The following ANKS1B variants were observed in gnomAD, a reference collection of about 807,000 sequenced individuals.
ANKS1B encodes ankyrin repeat and sterile alpha motif domain-containing protein 1B.
ANKS1B carries 36 observed loss-of-function variants against 148.3 expected under a neutral mutation model. That is an observed-to-expected ratio of 0.24 (90% confidence interval 0.19 to 0.32). The LOEUF is 0.32. Among genes scored for constraint, ANKS1B ranks in the 10% least tolerant of loss-of-function variants. The pLI is 1.00. For synonymous variants in ANKS1B, 542 were observed against 560.8 expected (o/e 0.97, Z 0.47); for missense variants, 1,157 against 1,542.6 (o/e 0.75, Z 4.19).
chr12:99,922,418 T>G (rs1399375672), intron 1 of ANKS1B, among the ~76,000 whole-genome samples: 1 of 151,818 alleles, frequency 6.6e-6, no homozygotes, highest in Non-Finnish European at 1.5e-5. Context: ...CTAACAAGAG[T>G]AGGAAAAAAA....
intron 14 of ANKS1B, among the ~76,000 whole-genome samples, chr12:99,192,131 C>CA (rs35767286): frequency 0.83 from 47,947 of 58,040 alleles, 20,382 homozygotes; most frequent in South Asian, 0.92. Flanking sequence ...GACTCCATCT[C>CA]AAAAAAAAAA....
At chr12:98,915,682 A>G (rs563427077) in intron 17 of ANKS1B, among the ~76,000 whole-genome samples, 1 of 152,298 alleles carries the variant, frequency 6.6e-6, no homozygotes, top group South Asian at 2.1e-4. Flanking sequence ...GTTTGGACCA[A>G]CCTGGGTGTG....
chr12:99,194,601 T>G (rs959797910), intron 14 of ANKS1B, among the ~76,000 whole-genome samples: 1 of 152,120 alleles, frequency 6.6e-6, no homozygotes, highest in Non-Finnish European at 1.5e-5. Context: ...CCATTTGTGT[T>G]TTGATATTAT....
intron 15 of ANKS1B, among the ~76,000 whole-genome samples, chr12:99,112,980 A>C (rs892502191): frequency 2.0e-5 from 3 of 152,218 alleles, no homozygotes; most frequent in Non-Finnish European, 4.4e-5. Flanking sequence ...TAATGCAGAT[A>C]ATTTTCTGCC....
chr12:99,387,002 A>G (rs964532621), intron 12 of ANKS1B, among the ~76,000 whole-genome samples: 3 of 152,248 alleles, frequency 2.0e-5, no homozygotes, highest in African/African-American at 7.2e-5. Context: ...AAGGTCAGTC[A>G]TCATGCTGGA....
chr12:99,204,058 C>T (rs1023981255), intron 14 of ANKS1B, among the ~76,000 whole-genome samples: 1 of 105,308 alleles, frequency 9.5e-6, no homozygotes, highest in Admixed American at 1.0e-4. Flanking sequence ...TGGTTGAATA[C>T]ATAAATCTAT....
chr12:99,040,260 C>G (rs1335681181), intron 17 of ANKS1B, among the ~76,000 whole-genome samples: 1 of 151,808 alleles, frequency 6.6e-6, no homozygotes, highest in Non-Finnish European at 1.5e-5. Flanking sequence ...CTTTCTCTCT[C>G]TCTATGTGCG....
intron 1 of ANKS1B, among the ~76,000 whole-genome samples, chr12:99,872,242 G>T (rs1565900476): frequency 6.6e-6 from 1 of 152,032 alleles, no homozygotes; most frequent in Non-Finnish European, 1.5e-5. Context: ...ACAGAAATGT[G>T]TATGTATGTG....
chr12:99,387,346 G>A lies in ANKS1B; in HGVS notation c.1756+12285C>T, dbSNP rs143680775. 3.9e-3 allele frequency among the ~76,000 whole-genome samples: 600 copies of A among 152,302 alleles called. 1 individual carries two copies. Among genetic ancestry groups the A allele is most frequent in the African/African-American group, 0.014 (567 of 41,576 alleles). On this transcript the variant is annotated intron_variant, in intron 12 of 26. Transcript: ENST00000683438. ...TTATTAAAGAAGCCTGGCCGGGCGC[G>A]GTGGCTCACGCCTGTAATCCCAGCA...
chr12:99,780,693 T>G (rs931242987), intron 5 of ANKS1B, among the ~76,000 whole-genome samples: 1 of 152,208 alleles, frequency 6.6e-6, no homozygotes, highest in African/African-American at 2.4e-5. Context: ...TCATGTGATT[T>G]ATATTCTCTG....
chr12:99,457,924 T>C (rs188935924), intron 10 of ANKS1B, among the ~76,000 whole-genome samples: 38 of 152,070 alleles, frequency 2.5e-4, no homozygotes, highest in African/African-American at 8.2e-4. Flanking sequence ...AACGGATATT[T>C]ACAGAACAGA....
At chr12:99,028,121 G>A (rs1366078297) in intron 17 of ANKS1B, among the ~76,000 whole-genome samples, 3 of 152,138 alleles carry the variant, frequency 2.0e-5, no homozygotes, top group East Asian at 1.9e-4. Flanking sequence ...TCTTATATGA[G>A]TGAATTAAAT....
intron 12 of ANKS1B, among the ~76,000 whole-genome samples, chr12:99,336,422 A>AT (rs1371826812): frequency 4.0e-5 from 6 of 151,804 alleles, no homozygotes; most frequent in Non-Finnish European, 8.8e-5. Context: ...CTTGTGGGGT[A>AT]TTTTTCAACA....
At chr12:99,832,685 C>G (rs1232345673) in intron 1 of ANKS1B, among the ~76,000 whole-genome samples, 1 of 151,152 alleles carries the variant, frequency 6.6e-6, no homozygotes, top group Non-Finnish European at 1.5e-5. Context: ...GATCAGGCCA[C>G]TGTACTCCAG....
At chr12:99,080,953 A>G (rs2049511614) in intron 16 of ANKS1B, among the ~76,000 whole-genome samples, 1 of 152,212 alleles carries the variant, frequency 6.6e-6, no homozygotes, top group South Asian at 2.1e-4. Flanking sequence ...GAGCTGAGAA[A>G]AGACAGAGTT....
At chr12:99,048,255 C>A (rs1161627774) in intron 17 of ANKS1B, among the ~76,000 whole-genome samples, 2 of 152,176 alleles carry the variant, frequency 1.3e-5, no homozygotes, top group African/African-American at 2.4e-5. Flanking sequence ...TTTAAGGTAG[C>A]AATTTCTGGG....
rs139118414 is a variant in ANKS1B, at chr12:99,380,542, T to C, written c.1756+19089A>G. Among the ~76,000 whole-genome samples, 10 of 152,308 alleles carry C rather than the reference T, an allele frequency of 6.6e-5. No individual in the cohort carries two copies. In the East Asian group the frequency reaches 1.5e-3, roughly 23 times the overall value. Reference sequence around the variant, plus strand: ...AGGCTAAAAAGAGTCAGTTGTTAAATAGGCAATGGGAAACCATAATTGTAA... The same window carrying C: ...AGGCTAAAAAGAGTCAGTTGTTAAACAGGCAATGGGAAACCATAATTGTAA... On this transcript the variant is annotated intron_variant, in intron 12 of 26. Coordinates refer to ENST00000683438, the MANE Select transcript of ANKS1B (RefSeq NM_001352186.2).
At position 99,123,018 on chromosome 12, in the gene ANKS1B, A is replaced by T. The variant is rs1019483854; in HGVS notation, c.2526+31271T>A. Reference sequence around the variant, plus strand: ...AAAAAATATATATATATATATAAACATGTATATAAACCAACAAAACAACAA... The same window carrying T: ...AAAAAATATATATATATATATAAACTTGTATATAAACCAACAAAACAACAA... On this transcript the variant is annotated intron_variant, in intron 15 of 26. Coordinates refer to ENST00000683438, the MANE Select transcript of ANKS1B (RefSeq NM_001352186.2). Among the ~76,000 whole-genome samples, 5 of 147,784 alleles carry T rather than the reference A, an allele frequency of 3.4e-5. No individual in the cohort carries two copies. The Admixed American group carries it at 3.4e-4, about 10-fold the overall frequency.
intron 17 of ANKS1B, among the ~76,000 whole-genome samples, chr12:98,846,389 C>G (rs1175819459): frequency 6.6e-6 from 1 of 152,228 alleles, no homozygotes; most frequent in Non-Finnish European, 1.5e-5. Context: ...AATTTTCTCT[C>G]CCTCTTTCTC....
Sources: gnomAD v4.1 joint callset for allele counts (sites outside exome capture counted in the v4.1 genomes callset) on GRCh38, gnomAD v4.1.1 for gene constraint, MANE v1.5 for transcripts, NCBI Gene and HGNC (gene_info 2026-07-23, HGNC 2026-07-21) for gene names.